GABRG3: variants seen among roughly 807,000 people sequenced by gnomAD.
The protein encoded by GABRG3 is gamma-aminobutyric acid type A receptor subunit gamma3, also known as gamma-aminobutyric acid receptor subunit gamma-3.
GABRG3 carries 25 observed loss-of-function variants against 48.8 expected under a neutral mutation model. The ratio of observed to expected loss-of-function variants is 0.51; its 90% CI spans 0.37 to 0.72. The LOEUF is 0.72. GABRG3 is among the 30% of genes least tolerant of loss of function. The pLI is 0.00. For missense variants in GABRG3, 394 were observed against 577.9 expected, an observed-to-expected ratio of 0.68 and a Z score of 3.26; for synonymous variants, 227 against 217.6, an observed-to-expected ratio of 1.04 and a Z score of -0.38.
intron 3 of GABRG3, among the ~76,000 whole-genome samples, chr15:27,072,158 G>A (rs539427103): frequency 2.0e-5 from 3 of 152,160 alleles, no homozygotes; most frequent in Non-Finnish European, 4.4e-5. Context: ...GGTCCTGAAG[G>A]CTGCCAGCTC....
chr15:27,436,297 G>A (rs1888609106), intron 5 of GABRG3, among the ~76,000 whole-genome samples: 1 of 152,134 alleles, frequency 6.6e-6, no homozygotes, highest in East Asian at 1.9e-4. Context: ...CCACTTGTGG[G>A]GGGAAGGGGC....
intron 6 of GABRG3, among the ~76,000 whole-genome samples, chr15:27,509,166 T>C (rs2150857650): frequency 6.6e-6 from 1 of 152,348 alleles, no homozygotes; most frequent in Admixed American, 6.5e-5. Flanking sequence ...GCATGATTTC[T>C]GAAGAGAAGT....
intron 5 of GABRG3, among the ~76,000 whole-genome samples, chr15:27,341,596 A>T (rs993820607): frequency 1.5e-4 from 23 of 152,110 alleles, no homozygotes; most frequent in African/African-American, 5.6e-4. Flanking sequence ...CAGCTGAGGA[A>T]CATCAAGCAC....
chr15:27,082,014 T>C (rs1897000762), intron 3 of GABRG3, among the ~76,000 whole-genome samples: 1 of 152,140 alleles, frequency 6.6e-6, no homozygotes, highest in African/African-American at 2.4e-5. Flanking sequence ...TCCTGGTGAA[T>C]GTTTAGTAGT....
At chr15:27,220,356 T>C (rs753673242) in intron 3 of GABRG3, among the ~76,000 whole-genome samples, 2 of 152,170 alleles carry the variant, frequency 1.3e-5, no homozygotes, top group Non-Finnish European at 2.9e-5. Context: ...AGGGCTGACC[T>C]TAACATATGG....
intron 3 of GABRG3, among the ~76,000 whole-genome samples, chr15:27,169,733 A>G (rs534493844): frequency 1.3e-5 from 2 of 152,260 alleles, no homozygotes; most frequent in African/African-American, 4.8e-5. Context: ...AAGGACATTT[A>G]TTTCTCACAG....
intron 3 of GABRG3, among the ~76,000 whole-genome samples, chr15:27,187,717 AT>A (rs928203466): frequency 4.5e-4 from 69 of 151,726 alleles, no homozygotes; most frequent in African/African-American, 8.2e-4. Flanking sequence ...TTCAATGTTA[AT>A]TTTTTTTATT....
intron 3 of GABRG3, among the ~76,000 whole-genome samples, chr15:27,183,198 T>C (rs1425200785): frequency 1.3e-5 from 2 of 152,164 alleles, no homozygotes; most frequent in East Asian, 3.9e-4. Context: ...TTATTTTCTT[T>C]CTAATATGTA....
At chr15:27,230,176 G>T (rs28624918) in intron 3 of GABRG3, among the ~76,000 whole-genome samples, 3,753 of 152,222 alleles carry the variant, frequency 0.025, 155 homozygotes, top group African/African-American at 0.086. Flanking sequence ...AAATGGGATT[G>T]CCTTTCTGAT....
At chr15:27,484,727 C>T (rs1890179667) in intron 6 of GABRG3, among the ~76,000 whole-genome samples, 8 of 152,150 alleles carry the variant, frequency 5.3e-5, no homozygotes, top group Admixed American at 5.2e-4. Flanking sequence ...GCATGCTAAA[C>T]ACTCACCTCA....
At chr15:27,446,160 C>G (rs760233514) in intron 5 of GABRG3, among the ~76,000 whole-genome samples, 2 of 152,142 alleles carry the variant, frequency 1.3e-5, no homozygotes, top group Non-Finnish European at 2.9e-5. Flanking sequence ...TTAGAATAAT[C>G]TTGTCCATGT....
rs1224583541 is a variant in GABRG3, at chr15:27,494,955, A to G, written c.712+14168A>G. On this transcript the variant is annotated intron_variant, in intron 6 of 9. Coordinates refer to ENST00000615808, the MANE Select transcript of GABRG3 (RefSeq NM_033223.5). ...GATTTCAGACTTTTCCTCTTTCCTG[A>G]AGTGTACATTTAGTGCTATAAAACT... Among the ~76,000 whole-genome samples, 4 of 152,104 alleles carry G rather than the reference A, an allele frequency of 2.6e-5. No individual in the cohort carries two copies. In the East Asian group the frequency reaches 7.7e-4, roughly 29 times the overall value.
At chr15:27,510,931 A>G (rs1386023325) in intron 6 of GABRG3, among the ~76,000 whole-genome samples, 1 of 152,216 alleles carries the variant, frequency 6.6e-6, no homozygotes, top group Non-Finnish European at 1.5e-5. Context: ...ATAAAAGTGA[A>G]TGGTAAGGAT....
Position 27,539,826 on chromosome 15 carries a change from T to A in GABRG3, c.*6945T>A, listed in dbSNP as rs1157300741. The A allele has an allele frequency of 6.6e-6, 1 of 152,148 alleles. No homozygotes were observed. The highest frequency in any genetic ancestry group is 1.5e-5 in the Non-Finnish European group (1 of 68,046). The allele number at this position is 152,148 out of a possible 1,614,324, so 9.4% of individuals were successfully genotyped here. A position where few individuals can be genotyped will look rare whatever the true frequency, so the allele number is the denominator to read the frequency against. On this transcript the variant is annotated 3_prime_UTR_variant, in exon 10 of 10. Transcript: ENST00000615808. The stretch of plus-strand genomic sequence containing the variant: ...AGGAAAAAAAGAAAAAATGTTGCAT[T>A]CTTAAGCAATTAAAGACTCCTTCCA...
chr15:27,488,043 G>A (rs904864206), intron 6 of GABRG3, among the ~76,000 whole-genome samples: 3 of 152,222 alleles, frequency 2.0e-5, no homozygotes, highest in African/African-American at 7.2e-5. Flanking sequence ...TGCGCCAGGA[G>A]AAACCTGCAC....
At chr15:27,129,299 A>G (rs1223130268) in intron 3 of GABRG3, among the ~76,000 whole-genome samples, 1 of 152,220 alleles carries the variant, frequency 6.6e-6, no homozygotes, top group Non-Finnish European at 1.5e-5. Context: ...ATATAGTGGA[A>G]TCATACAGCA....
intron 3 of GABRG3, among the ~76,000 whole-genome samples, chr15:27,172,227 G>A (rs556243963): frequency 5.3e-5 from 8 of 152,272 alleles, no homozygotes; most frequent in South Asian, 2.1e-4. Flanking sequence ...GTGATATGAC[G>A]GGGCTAGGAC....
At chr15:27,493,265 AT>A (rs1890399515) in intron 6 of GABRG3, among the ~76,000 whole-genome samples, 1 of 152,262 alleles carries the variant, frequency 6.6e-6, no homozygotes, top group South Asian at 2.1e-4. Flanking sequence ...TCGATTTCAT[AT>A]TTTTAAAAAA....
intron 3 of GABRG3, among the ~76,000 whole-genome samples, chr15:27,126,905 C>T (rs2140379980): frequency 6.6e-6 from 1 of 152,162 alleles, no homozygotes. Flanking sequence ...GTGACCCTGG[C>T]ATGTAGTGAG....
Sources: allele counts gnomAD v4.1 joint callset (sites outside exome capture counted in the v4.1 genomes callset), GRCh38; gene constraint gnomAD v4.1.1; transcripts MANE v1.5; gene names NCBI Gene and HGNC (gene_info 2026-07-23, HGNC 2026-07-21).